Variants in KCNG3 observed in about 807,000 individuals in gnomAD.
KCNG3 encodes the protein potassium voltage-gated channel modifier subfamily G member 3.
In KCNG3, 15 loss-of-function variants were observed where a neutral mutation model predicts 29.0. The observed-to-expected ratio is 0.52, with a 90% CI of 0.35 to 0.80. The LOEUF is 0.80. KCNG3 is among the 30% of genes least tolerant of loss of function. The pLI, the probability that KCNG3 is intolerant of heterozygous loss-of-function variation, is 0.01. For synonymous variants in KCNG3, 322 were observed against 248.9 expected (o/e 1.29, Z -2.76); for missense variants, 512 against 605.7 (o/e 0.85, Z 1.62).
intron 1 of KCNG3, among the ~76,000 whole-genome samples, chr2:42,456,500 T>A (rs887338289): frequency 6.6e-6 from 1 of 151,894 alleles, no homozygotes; most frequent in Non-Finnish European, 1.5e-5. Flanking sequence ...TAAGCAAGAG[T>A]GAGACCAGCC....
At chr2:42,424,687 C>A in the KCNG3 span, 17 of 152,166 alleles carry the variant, frequency 1.1e-4, no homozygotes, top group African/African-American at 3.6e-4. Flanking sequence ...ATTAATAGCA[C>A]ATAAGTGTTA....
chr2:42,474,485 AC>A (rs1273840491), intron 1 of KCNG3, among the ~76,000 whole-genome samples: 2 of 152,196 alleles, frequency 1.3e-5, no homozygotes, highest in Non-Finnish European at 2.9e-5. Flanking sequence ...CCAAGATGGC[AC>A]TACTGCACTC....
At chr2:42,475,158 T>C (rs1673391934) in intron 1 of KCNG3, among the ~76,000 whole-genome samples, 1 of 152,136 alleles carries the variant, frequency 6.6e-6, no homozygotes, top group African/African-American at 2.4e-5. Context: ...AAAAATAGGC[T>C]TACAATTTAA....
intron 1 of KCNG3, among the ~76,000 whole-genome samples, chr2:42,469,198 C>G (rs1454557533): frequency 6.6e-6 from 1 of 152,016 alleles, no homozygotes; most frequent in East Asian, 1.9e-4. Context: ...GCAGCTGGAT[C>G]ACGAGGTCAG....
At chr2:42,431,571 CTCTA>C in the KCNG3 span, among the ~76,000 whole-genome samples, 2 of 152,130 alleles carry the variant, frequency 1.3e-5, no homozygotes, top group Non-Finnish European at 2.9e-5. Context: ...GCTAGTGGTG[CTCTA>C]TCTAAGAAAA....
the KCNG3 span, among the ~76,000 whole-genome samples, chr2:42,428,158 T>C: frequency 7.7e-6 from 1 of 129,228 alleles, no homozygotes; most frequent in Non-Finnish European, 1.7e-5. Flanking sequence ...ACAAGGTAGA[T>C]TTTTTTTTTT....
intron 1 of KCNG3, among the ~76,000 whole-genome samples, chr2:42,480,749 A>C (rs1246061258): frequency 3.5e-5 from 5 of 144,158 alleles, no homozygotes; most frequent in Non-Finnish European, 6.0e-5. Context: ...GCATATTGAA[A>C]CCCCATCTTA....
the KCNG3 span, among the ~76,000 whole-genome samples, chr2:42,434,458 C>CA: frequency 1.2e-3 from 38 of 31,240 alleles, no homozygotes; most frequent in Admixed American, 2.9e-3. Context: ...GACACTGTCT[C>CA]AAAAAAAAAA....
chr2:42,488,124 A>T (rs1673775006), intron 1 of KCNG3, among the ~76,000 whole-genome samples: 2 of 152,224 alleles, frequency 1.3e-5, no homozygotes, highest in Admixed American at 6.5e-5. Flanking sequence ...AGAATGGAGA[A>T]AGGCTTAGTT....
At chr2:42,449,134 T>C (rs547033359) in intron 1 of KCNG3, among the ~76,000 whole-genome samples, 1 of 152,028 alleles carries the variant, frequency 6.6e-6, no homozygotes, top group African/African-American at 2.4e-5. Context: ...GAGAAATGAG[T>C]GTACTTTGTT....
the KCNG3 span, among the ~76,000 whole-genome samples, chr2:42,412,533 C>G: frequency 6.6e-6 from 1 of 152,082 alleles, no homozygotes; most frequent in Non-Finnish European, 1.5e-5. Flanking sequence ...GTAAATTTGT[C>G]AAATTCTATT....
At chr2:42,461,461 T>C (rs1409098580) in intron 1 of KCNG3, among the ~76,000 whole-genome samples, 1 of 152,068 alleles carries the variant, frequency 6.6e-6, no homozygotes, top group Non-Finnish European at 1.5e-5. Context: ...GAGTGTGTTT[T>C]CAGAAGACTA....
intron 1 of KCNG3, among the ~76,000 whole-genome samples, chr2:42,452,543 G>A (rs115892606): frequency 0.011 from 1,598 of 151,292 alleles, 31 homozygotes; most frequent in African/African-American, 0.035. Flanking sequence ...TAAGCCTCTG[G>A]TAACCATCCT....
chr2:42,437,939 CAAAAAAAA>C (rs58250880), downstream of KCNG3, among the ~76,000 whole-genome samples: 28 of 74,828 alleles, frequency 3.7e-4, no homozygotes, highest in Middle Eastern at 8.8e-3. Context: ...ACTCTGTCTC[CAAAAAAAA>C]AAAAAAAAAA....
chr2:42,439,389 G>A (rs564443365), downstream of KCNG3, among the ~76,000 whole-genome samples: 60 of 151,654 alleles, frequency 4.0e-4, no homozygotes, highest in Non-Finnish European at 7.7e-4. Context: ...AGCCTTCTGC[G>A]TAGCTGGGAT....
the KCNG3 span, among the ~76,000 whole-genome samples, chr2:42,421,999 T>C: frequency 6.6e-6 from 1 of 152,222 alleles, no homozygotes. Flanking sequence ...CCATTGTTAA[T>C]CTGTTGCATT....
At position 42,493,548 on chromosome 2, in the gene KCNG3, C is replaced by A; in HGVS notation, c.-47G>T. The A allele has an allele frequency of 7.7e-7, 1 of 1,306,466 alleles. No individual in the cohort carries two copies. The allele number at this position is 1,306,466 out of a possible 1,614,324, so 80.9% of individuals were successfully genotyped here. A position where few individuals can be genotyped will look rare whatever the true frequency, so the allele number is the denominator to read the frequency against. ...TCGGCCCGAGGGCCCCGCTGCAGCC[C>A]CCCACCCCAAGCCGCCACGCGGGGC... On this transcript the variant is annotated 5_prime_UTR_variant, in exon 1 of 2. Transcript: ENST00000306078.
chr2:42,402,572 G>T, the KCNG3 span, among the ~76,000 whole-genome samples: 8 of 152,140 alleles, frequency 5.3e-5, no homozygotes, highest in East Asian at 1.5e-3. Flanking sequence ...GTTTAATTCA[G>T]CTGGAATTCG....
At chr2:42,432,934 TAAAA>T in the KCNG3 span, among the ~76,000 whole-genome samples, 11,024 of 132,732 alleles carry the variant, frequency 0.083, 639 homozygotes, top group African/African-American at 0.17. Flanking sequence ...GCTTTTATGA[TAAAA>T]AAAAAAAAAA....
Sources: gnomAD v4.1 joint callset for allele counts (sites outside exome capture counted in the v4.1 genomes callset) on GRCh38, gnomAD v4.1.1 for gene constraint, MANE v1.5 for transcripts, NCBI Gene and HGNC (gene_info 2026-07-23, HGNC 2026-07-21) for gene names.